SLC9A9: variants seen among roughly 807,000 people sequenced by gnomAD.
SLC9A9 encodes the protein sodium/hydrogen exchanger 9.
Under a neutral mutation model 77.8 loss-of-function variants are expected in SLC9A9, and 62 were observed. The observed-to-expected ratio is 0.80, with a 90% confidence interval of 0.65 to 0.98. SLC9A9 has a LOEUF of 0.98. Among genes scored for constraint, SLC9A9 ranks in the 50% least tolerant of loss-of-function variants. The pLI is 0.00. For missense variants in SLC9A9, 775 were observed against 774.9 expected, an observed-to-expected ratio of 1.00 and a Z score of 0.00; for synonymous variants, 320 against 283.5, an observed-to-expected ratio of 1.13 and a Z score of -1.29.
chr3:143,578,590 C>T lies in SLC9A9; in HGVS notation c.889G>A (p.Ala297Thr). Residue 297 changes from alanine (A) to threonine (T), a missense_variant, in exon 7 of 16, where the codon GCA becomes ACA. By Grantham distance (58) the Ala-to-Thr change is moderately conservative. Transcript: ENST00000316549. Reference sequence around the variant, plus strand: ...CACATACAGACAAAGGATATCAGTGCTGTGATGATGGCATACGCAGACCCC... The same window carrying T: ...CACATACAGACAAAGGATATCAGTGTTGTGATGATGGCATACGCAGACCCC... The part of the protein sequence containing the change: ...AMGSAYAIIT[A>T]LLTKFTKLCE... 1 of 1,613,938 alleles carries T rather than the reference C, an allele frequency of 6.2e-7. No individual in the cohort carries two copies. The highest frequency in any genetic ancestry group is 8.5e-7 in the Non-Finnish European group (1 of 1,179,860).
At chr3:143,386,766 G>C (rs976565277) in intron 12 of SLC9A9, among the ~76,000 whole-genome samples, 5 of 152,130 alleles carry the variant, frequency 3.3e-5, no homozygotes, top group African/African-American at 1.2e-4. Flanking sequence ...GTACAGCAAG[G>C]ATTTCTGGTC....
chr3:143,418,044 A>C (rs1011074949), intron 12 of SLC9A9, among the ~76,000 whole-genome samples: 12 of 151,480 alleles, frequency 7.9e-5, no homozygotes, highest in African/African-American at 2.9e-4. Context: ...TTGAGCACCA[A>C]AAAGTTGACA....
chr3:143,578,606 C>G lies in SLC9A9; in HGVS notation c.873G>C (p.Ala291=). The change falls in exon 7 of 16, where the codon GCG becomes GCC. Residue 291 remains alanine, a synonymous_variant. Coordinates refer to ENST00000316549, the MANE Select transcript of SLC9A9 (RefSeq NM_173653.4). ...ATATCAGTGCTGTGATGATGGCATACGCAGACCCCATTGCAAATGAGCCAG... is the reference window on the plus strand; with the variant it reads ...ATATCAGTGCTGTGATGATGGCATAGGCAGACCCCATTGCAAATGAGCCAG... ...IFAGSFAMGS[A]YAIITALLTK... is the part of the protein sequence containing the mutation. 1 of 1,613,998 alleles carries G rather than the reference C, an allele frequency of 6.2e-7. No homozygotes were observed. The highest frequency in any genetic ancestry group is 8.5e-7 in the Non-Finnish European group (1 of 1,179,906).
intron 14 of SLC9A9, among the ~76,000 whole-genome samples, chr3:143,336,686 T>A (rs556841721): frequency 6.6e-6 from 1 of 152,302 alleles, no homozygotes; most frequent in Admixed American, 6.5e-5. Context: ...TATGAGCTAT[T>A]TAAAGTAGTC....
chr3:143,425,846 A>G (rs986017909), intron 12 of SLC9A9, among the ~76,000 whole-genome samples: 6 of 152,202 alleles, frequency 3.9e-5, no homozygotes, highest in Non-Finnish European at 8.8e-5. Flanking sequence ...TGCTAACATG[A>G]CAAGATATGC....
chr3:143,279,763 C>T (rs1479693563), intron 14 of SLC9A9, among the ~76,000 whole-genome samples: 4 of 152,040 alleles, frequency 2.6e-5, no homozygotes, highest in Admixed American at 6.6e-5. Flanking sequence ...TTTATGGCTG[C>T]GTAGTATTTC....
At chr3:143,755,454 G>A (rs1024405681) in intron 4 of SLC9A9, among the ~76,000 whole-genome samples, 1 of 152,116 alleles carries the variant, frequency 6.6e-6, no homozygotes, top group East Asian at 1.9e-4. Context: ...GAGAAAGAGG[G>A]GGTGCCTAAA....
At chr3:143,750,735 A>C (rs202124990) in intron 4 of SLC9A9, among the ~76,000 whole-genome samples, 39 of 34,660 alleles carry the variant, frequency 1.1e-3, no homozygotes, top group Non-Finnish European at 1.8e-3. Context: ...ATATATATCT[A>C]TATATATATA....
intron 9 of SLC9A9, chr3:143,517,186 G>T: frequency 1.4e-6 from 2 of 1,442,612 alleles, no homozygotes; most frequent in Non-Finnish European, 9.6e-7. Flanking sequence ...AGTTGCTCTG[G>T]TATTTTGACA....
At chr3:143,659,606 G>C (rs1344916122) in intron 5 of SLC9A9, among the ~76,000 whole-genome samples, 1 of 152,110 alleles carries the variant, frequency 6.6e-6, no homozygotes, top group Non-Finnish European at 1.5e-5. Context: ...TCAACACTGG[G>C]CCTGTGTGAG....
At chr3:143,408,363 G>A (rs558670478) in intron 12 of SLC9A9, among the ~76,000 whole-genome samples, 2 of 152,300 alleles carry the variant, frequency 1.3e-5, no homozygotes, top group South Asian at 4.1e-4. Context: ...TTCTGCTACA[G>A]GACAGAGTGA....
chr3:143,474,157 A>G (rs1259010245), intron 11 of SLC9A9, among the ~76,000 whole-genome samples: 3 of 152,196 alleles, frequency 2.0e-5, no homozygotes, highest in Non-Finnish European at 4.4e-5. Flanking sequence ...ATCCTGAGGC[A>G]GGCCAATGCC....
intron 9 of SLC9A9, among the ~76,000 whole-genome samples, chr3:143,540,318 A>T (rs945337758): frequency 1.3e-5 from 2 of 152,234 alleles, no homozygotes; most frequent in African/African-American, 4.8e-5. Flanking sequence ...CATAAGATAA[A>T]TAGGTGAACA....
intron 6 of SLC9A9, among the ~76,000 whole-genome samples, chr3:143,583,117 C>A (rs1312163211): frequency 6.6e-6 from 1 of 152,002 alleles, no homozygotes; most frequent in Non-Finnish European, 1.5e-5. Flanking sequence ...TGGGCCACTG[C>A]ACCCTAGCCT....
chr3:143,726,248 A>AAAG (rs1358074900), intron 4 of SLC9A9, among the ~76,000 whole-genome samples: 126 of 71,264 alleles, frequency 1.8e-3, no homozygotes, highest in African/African-American at 6.7e-3. Flanking sequence ...GGAAATAAAA[A>AAAG]AAGAAAAAAA....
At chr3:143,790,133 C>G (rs2008175340) in intron 4 of SLC9A9, among the ~76,000 whole-genome samples, 1 of 152,120 alleles carries the variant, frequency 6.6e-6, no homozygotes. Flanking sequence ...AGGGGCTCTT[C>G]CCTGCTTCGC....
At chr3:143,807,887 G>A (rs1282074392) in intron 2 of SLC9A9, among the ~76,000 whole-genome samples, 2 of 152,236 alleles carry the variant, frequency 1.3e-5, no homozygotes, top group African/African-American at 4.8e-5. Flanking sequence ...GCAGTGCTGG[G>A]AGGTGATCCC....
At chr3:143,670,617 C>T (rs747471534) in intron 5 of SLC9A9, among the ~76,000 whole-genome samples, 2 of 152,188 alleles carry the variant, frequency 1.3e-5, no homozygotes, top group Non-Finnish European at 2.9e-5. Context: ...TTATCTTCTT[C>T]ATCTGGGCAA....
intron 6 of SLC9A9, among the ~76,000 whole-genome samples, chr3:143,633,684 A>G (rs2038465323): frequency 6.6e-6 from 1 of 152,204 alleles, no homozygotes; most frequent in Non-Finnish European, 1.5e-5. Flanking sequence ...ACTGGCAAAA[A>G]GATTCTTGAA....
Sources: gnomAD v4.1 joint callset for allele counts (sites outside exome capture counted in the v4.1 genomes callset) on GRCh38, gnomAD v4.1.1 for gene constraint, MANE v1.5 for transcripts, NCBI Gene and HGNC (gene_info 2026-07-23, HGNC 2026-07-21) for gene names.